The following DGKH variants were observed in gnomAD, a reference collection of about 807,000 sequenced individuals.
DGKH encodes the protein DAG kinase eta.
Under a neutral mutation model 159.3 loss-of-function variants are expected in DGKH, and 90 were observed. The ratio of observed to expected loss-of-function variants is 0.57; its 90% CI spans 0.48 to 0.67. The LOEUF is 0.67. DGKH is among the 30% of genes least tolerant of loss of function. The pLI is 0.00. For missense variants in DGKH, 1,181 were observed against 1,506.1 expected, an observed-to-expected ratio of 0.78 and a Z score of 3.57; for synonymous variants, 536 against 553.8, an observed-to-expected ratio of 0.97 and a Z score of 0.45.
intron 1 of DGKH, among the ~76,000 whole-genome samples, chr13:42,126,373 G>C (rs2137838051): frequency 6.6e-6 from 1 of 152,228 alleles, no homozygotes; most frequent in South Asian, 2.1e-4. Flanking sequence ...AGACCTGAAG[G>C]AGGTGAAGGG....
downstream of DGKH, among the ~76,000 whole-genome samples, chr13:42,247,390 C>A (rs1958590231): frequency 6.6e-6 from 1 of 151,930 alleles, no homozygotes; most frequent in South Asian, 2.1e-4. Context: ...GCCACCATGC[C>A]CTGCTAATTT....
chr13:42,157,354 A>G (rs578228247), intron 5 of DGKH, among the ~76,000 whole-genome samples: 142 of 152,330 alleles, frequency 9.3e-4, no homozygotes, highest in African/African-American at 3.2e-3. Context: ...TTCTGATTTG[A>G]GTGTTATACA....
At chr13:42,185,051 T>C (rs1032341162) in intron 13 of DGKH, among the ~76,000 whole-genome samples, 1 of 152,166 alleles carries the variant, frequency 6.6e-6, no homozygotes, top group African/African-American at 2.4e-5. Context: ...TTGGAGAATA[T>C]CTTTTGTCTT....
At chr13:42,179,506 C>G (rs1339358304) in intron 13 of DGKH, among the ~76,000 whole-genome samples, 2 of 152,144 alleles carry the variant, frequency 1.3e-5, no homozygotes, top group African/African-American at 4.8e-5. Context: ...GGTACCGTGG[C>G]TCATGCCTGT....
At chr13:42,176,226 A>G (rs1360946436) in intron 12 of DGKH, among the ~76,000 whole-genome samples, 1 of 152,232 alleles carries the variant, frequency 6.6e-6, no homozygotes, top group Non-Finnish European at 1.5e-5. Context: ...TAATTAATAC[A>G]TTAGTCAACT....
At position 42,048,940 on chromosome 13, in the gene DGKH, C is replaced by T. The variant is rs905418442; in HGVS notation, c.167C>T (p.Ser56Phe). 9.1e-6 allele frequency: 12 copies of T among 1,320,206 alleles called. No homozygotes were observed. Among genetic ancestry groups the T allele is most frequent in the Non-Finnish European group, 1.2e-5 (12 of 1,027,428 alleles). 81.8% of individuals were successfully genotyped at this position (1,320,206 alleles called of 1,614,324 possible). A position where few individuals can be genotyped will look rare whatever the true frequency, so the allele number is the denominator to read the frequency against. ...CCCCAGAAACTGATCCGCAAAGTGT[C>T]TACCTCGGGGCAGATCCGGACCAAG... is the stretch of plus-strand genomic sequence containing the variant. The part of the protein sequence containing the change: ...EGPQKLIRKV[S>F]TSGQIRTKTS... Residue 56 changes from serine to phenylalanine, a missense_variant, in exon 1 of 30, where the codon TCT becomes TTT. Ser to Phe is a radical substitution (Grantham distance 155, BLOSUM62 -2). Transcript: ENST00000337343. The surrounding 1 kb of genome is among the most constrained non-coding windows in gnomAD (Gnocchi z 6.7).
At position 42,155,731 on chromosome 13, in the gene DGKH, G is replaced by A. The variant is rs1423213905; in HGVS notation, c.554G>A (p.Arg185Gln). The A allele has an allele frequency of 1.2e-6, 2 of 1,613,860 alleles. No homozygotes were observed. The highest frequency in any genetic ancestry group is 1.7e-6 in the Non-Finnish European group (2 of 1,180,010). The change falls in exon 5 of 30, where the codon CGA becomes CAA. Residue 185 changes from arginine (R) to glutamine (Q), a missense_variant. By Grantham distance (43) the Arg-to-Gln change is conservative. Around this residue, in one of 5 missense-constraint regions of DGKH, gnomAD observed 369 missense variants for 519.4 expected, o/e 0.71. Transcript: ENST00000337343. ...MHNWYACSHA[R>Q]PTFCNVCRES... is the part of the protein sequence containing the mutation. Reference sequence around the variant, plus strand: ...AACTGGTACGCCTGCTCCCACGCCCGACCCACCTTCTGTAACGTGTGCAGA... The same window carrying A: ...AACTGGTACGCCTGCTCCCACGCCCAACCCACCTTCTGTAACGTGTGCAGA...
chr13:42,054,774 A>G (rs1881629033), intron 1 of DGKH, among the ~76,000 whole-genome samples: 1 of 152,224 alleles, frequency 6.6e-6, no homozygotes, highest in African/African-American at 2.4e-5. Flanking sequence ...ATGTGAGGTG[A>G]TGGATATATT....
At chr13:42,212,679 T>A (rs78404155) in intron 24 of DGKH, among the ~76,000 whole-genome samples, 17,234 of 152,282 alleles carry the variant, frequency 0.11, 1,226 homozygotes, top group Non-Finnish European at 0.16. Flanking sequence ...AATTTATTCA[T>A]TGACTATGCA....
chr13:42,065,337 T>C (rs991787299), intron 1 of DGKH, among the ~76,000 whole-genome samples: 13 of 152,364 alleles, frequency 8.5e-5, no homozygotes, highest in African/African-American at 2.9e-4. Context: ...AAGGGAAGAA[T>C]GTTGAAGGAA....
chr13:42,200,717 C>T (rs1467338489), intron 20 of DGKH, among the ~76,000 whole-genome samples: 2 of 152,162 alleles, frequency 1.3e-5, no homozygotes, highest in Admixed American at 1.3e-4. Flanking sequence ...AGAGGTGTCT[C>T]GCTCATTCTT....
chr13:42,147,106 C>T (rs1049217437), intron 3 of DGKH, among the ~76,000 whole-genome samples: 2 of 151,800 alleles, frequency 1.3e-5, no homozygotes, highest in African/African-American at 4.8e-5. Context: ...AGCTGTGTGG[C>T]CGAAGGGAGG....
At chr13:42,092,982 C>T (rs1379195110) in intron 1 of DGKH, among the ~76,000 whole-genome samples, 2 of 152,084 alleles carry the variant, frequency 1.3e-5, no homozygotes, top group Non-Finnish European at 2.9e-5. Flanking sequence ...GTGGCTCACA[C>T]CTAAAATCCC....
intron 1 of DGKH, among the ~76,000 whole-genome samples, chr13:42,064,087 G>A (rs1882387879): frequency 6.6e-6 from 1 of 152,088 alleles, no homozygotes; most frequent in Non-Finnish European, 1.5e-5. Flanking sequence ...GTGAGGAGCT[G>A]GGCTTCCCTC....
At chr13:42,219,824 A>G in intron 28 of DGKH, 30 bp downstream of exon 28, 1 of 1,586,730 alleles carries the variant, frequency 6.3e-7, no homozygotes, top group Non-Finnish European at 8.6e-7. Context: ...GGGGAAATAT[A>G]ACATTATGAA....
intron 1 of DGKH, among the ~76,000 whole-genome samples, chr13:42,085,978 A>G (rs575632470): frequency 6.6e-6 from 1 of 151,900 alleles, no homozygotes; most frequent in African/African-American, 2.4e-5. Flanking sequence ...TGGAGTGCGT[A>G]GTACAGTCAT....
intron 1 of DGKH, among the ~76,000 whole-genome samples, chr13:42,060,165 CAA>C (rs10532180): frequency 0.43 from 64,901 of 151,954 alleles, 15,573 homozygotes; most frequent in Admixed American, 0.64. Flanking sequence ...CTCGGCCTCC[CAA>C]AGTGTTGGGA....
chr13:42,051,435 G>T (rs916500821), intron 1 of DGKH, among the ~76,000 whole-genome samples: 3 of 152,070 alleles, frequency 2.0e-5, no homozygotes, highest in African/African-American at 7.2e-5. Flanking sequence ...CACATATACT[G>T]ATTCTTGGGG....
At chr13:42,180,867 A>G (rs1189893417) in intron 13 of DGKH, among the ~76,000 whole-genome samples, 4 of 152,212 alleles carry the variant, frequency 2.6e-5, no homozygotes, top group African/African-American at 7.2e-5. Flanking sequence ...TTGGAAGAAA[A>G]TCACTTTATT....
Sources: gnomAD v4.1 joint callset for allele counts (sites outside exome capture counted in the v4.1 genomes callset) on GRCh38, gnomAD v4.1.1 for gene constraint, gnomAD v4.1.1 regional missense constraint, Gnocchi (gnomAD v3.1) non-coding constraint, MANE v1.5 for transcripts, NCBI Gene and HGNC (gene_info 2026-07-23, HGNC 2026-07-21) for gene names.